Variants in ST6GAL1 observed in about 807,000 individuals in gnomAD.
ST6GAL1 encodes ST6 beta-galactoside alpha-2,6-sialyltransferase 1.
A neutral mutation model predicts 38.0 loss-of-function variants in ST6GAL1; 20 were observed. The ratio of observed to expected loss-of-function variants is 0.53; its 90% confidence interval spans 0.37 to 0.77. The LOEUF is 0.77. ST6GAL1 is among the 30% of genes least tolerant of loss of function. The pLI is 0.00. For synonymous variants in ST6GAL1, 196 were observed against 188.2 expected (o/e 1.04, Z -0.34); for missense variants, 432 against 496.4 (o/e 0.87, Z 1.23).
chr3:187,071,776 C>CAAAAAAAA (rs11330261), intron 5 of ST6GAL1, among the ~76,000 whole-genome samples: 42 of 72,274 alleles, frequency 5.8e-4, no homozygotes, highest in African/African-American at 1.6e-3. Flanking sequence ...GACTCCGCCT[C>CAAAAAAAA]AAAAAAAAAA....
chr3:187,038,377 T>G (rs2108577174), intron 2 of ST6GAL1: 1 of 151,972 alleles, frequency 6.6e-6, no homozygotes, highest in South Asian at 2.1e-4. Flanking sequence ...GGCTAATTTT[T>G]TTTTTGTATT....
At chr3:187,029,000 C>T (rs562923734) in intron 2 of ST6GAL1, among the ~76,000 whole-genome samples, 77 of 147,328 alleles carry the variant, frequency 5.2e-4, no homozygotes, top group South Asian at 8.6e-4. Context: ...GCAGGAGAAT[C>T]GCTTGAACCT....
intron 5 of ST6GAL1, among the ~76,000 whole-genome samples, chr3:187,065,165 A>AT (rs1361172457): frequency 1.3e-5 from 2 of 151,778 alleles, no homozygotes; most frequent in Non-Finnish European, 2.9e-5. Flanking sequence ...TGCCCAGCTA[A>AT]TTTTTTGTAT....
intron 5 of ST6GAL1, among the ~76,000 whole-genome samples, chr3:187,053,791 T>A (rs1001892898): frequency 2.6e-5 from 4 of 152,238 alleles, no homozygotes; most frequent in Non-Finnish European, 5.9e-5. Flanking sequence ...GGCTCTTTTT[T>A]GGTTGCATAT....
chr3:186,997,206 C>T (rs941787596), intron 2 of ST6GAL1, among the ~76,000 whole-genome samples: 11 of 152,150 alleles, frequency 7.2e-5, no homozygotes, highest in African/African-American at 2.7e-4. Context: ...TCCTCCTGAC[C>T]TCTATAGTCC....
In ST6GAL1 at chr3:187,076,026, A is replaced by G. The variant is rs181640095; in HGVS notation, c.*223A>G. ...GAGCCCAGAGCCTCCTGCCACACAC[A>G]TGCACACATATCTAGCATTCTTTCC... On this transcript the variant is annotated 3_prime_UTR_variant, in exon 8 of 8. Coordinates refer to ENST00000169298, the MANE Select transcript of ST6GAL1 (RefSeq NM_173216.2). The G allele has an allele frequency of 6.9e-6, 4 of 581,162 alleles. No individual in the cohort carries two copies. The East Asian group carries it at 9.1e-5, about 13-fold the overall frequency. 36.0% of individuals were successfully genotyped at this position (581,162 alleles called of 1,614,324 possible).
rs111443087 is a variant in ST6GAL1, at chr3:187,024,279, G to A, written c.-182-14463G>A. On this transcript the variant is annotated intron_variant, in intron 2 of 7. Transcript: ENST00000169298. ...TGGCTAATTTTTTGTATTTTTAGTAGAGACGGGGGTTTCACCATGTTAGCC... is the reference window on the plus strand; with the variant it reads ...TGGCTAATTTTTTGTATTTTTAGTAAAGACGGGGGTTTCACCATGTTAGCC... Among the ~76,000 whole-genome samples, 110 of 151,650 alleles carry A rather than the reference G, an allele frequency of 7.3e-4. 1 individual carries two copies. Among genetic ancestry groups the A allele is most frequent in the African/African-American group, 2.4e-3 (98 of 41,344 alleles).
chr3:186,937,368 C>G (rs190331268), intron 1 of ST6GAL1, among the ~76,000 whole-genome samples: 6 of 152,108 alleles, frequency 3.9e-5, no homozygotes, highest in African/African-American at 1.4e-4. Flanking sequence ...CATCACCCGT[C>G]GGTTCTTTAG....
Position 187,042,872 on chromosome 3 carries a change from G to A in ST6GAL1, c.169G>A (p.Gly57Arg), listed in dbSNP as rs755850692. 6.2e-7 allele frequency: 1 copy of A among 1,614,132 alleles called. No individual in the cohort carries two copies. The highest frequency in any genetic ancestry group is 8.5e-7 in the Non-Finnish European group (1 of 1,180,018). ...AAAGAGTCTGGGGAAATTGGCCATGGGGTCTGATTCCCAGTCTGTATCCTC... is the reference window on the plus strand; with the variant it reads ...AAAGAGTCTGGGGAAATTGGCCATGAGGTCTGATTCCCAGTCTGTATCCTC... ...VLKSLGKLAM[G>R]SDSQSVSSSS... Residue 57 changes from glycine (G) to arginine (R), a missense_variant, in exon 4 of 8, where the codon GGG (glycine) becomes AGG (arginine). By Grantham distance (125) the Gly-to-Arg change is moderately radical. Transcript: ENST00000169298.
At chr3:187,072,789 T>G (rs1228295602) in intron 5 of ST6GAL1, 60 bp from the exon 6 acceptor site, 1 of 1,459,474 alleles carries the variant, frequency 6.9e-7, no homozygotes, top group Admixed American at 1.7e-5. Flanking sequence ...CAGCTATTAC[T>G]TCATGTCAAA....
intron 2 of ST6GAL1, among the ~76,000 whole-genome samples, chr3:187,017,770 C>T (rs560483250): frequency 9.8e-5 from 15 of 152,292 alleles, no homozygotes; most frequent in African/African-American, 1.4e-4. Context: ...ACGAAAACCA[C>T]GACGGACATG....
chr3:187,013,110 C>T (rs1717009500), intron 2 of ST6GAL1, among the ~76,000 whole-genome samples: 1 of 152,174 alleles, frequency 6.6e-6, no homozygotes. Context: ...TGGAGGAGAC[C>T]TTTAGCGTCT....
At chr3:186,957,789 G>T (rs534325445) in intron 1 of ST6GAL1, among the ~76,000 whole-genome samples, 1 of 152,258 alleles carries the variant, frequency 6.6e-6, no homozygotes, top group Admixed American at 6.5e-5. Flanking sequence ...AATTCTGAGA[G>T]GCTAGTATTT....
intron 3 of ST6GAL1, among the ~76,000 whole-genome samples, 153 bp from the exon 4 acceptor site, chr3:187,042,501 T>C (rs1718159317): frequency 6.6e-6 from 1 of 151,976 alleles, no homozygotes; most frequent in African/African-American, 2.4e-5. Context: ...TGTCGAGAAT[T>C]GCTTAACAGG....
intron 2 of ST6GAL1, among the ~76,000 whole-genome samples, chr3:186,981,098 AG>A (rs1715684413): frequency 6.6e-6 from 1 of 152,250 alleles, no homozygotes; most frequent in Non-Finnish European, 1.5e-5. Flanking sequence ...AGGTGTTAAA[AG>A]AAAAACTTTA....
intron 5 of ST6GAL1, among the ~76,000 whole-genome samples, chr3:187,070,743 G>A (rs114287884): frequency 0.01 from 1,557 of 152,008 alleles, 30 homozygotes; most frequent in African/African-American, 0.036. Flanking sequence ...TCACTTTATG[G>A]CCATCCTCAT....
intron 3 of ST6GAL1, among the ~76,000 whole-genome samples, chr3:187,041,087 T>G (rs1276868767): frequency 6.6e-6 from 1 of 152,160 alleles, no homozygotes; most frequent in Non-Finnish European, 1.5e-5. Context: ...CTGTCTCTGT[T>G]CAGAATACCT....
chr3:187,056,871 C>G (rs1034047435), intron 5 of ST6GAL1, among the ~76,000 whole-genome samples: 1 of 152,178 alleles, frequency 6.6e-6, no homozygotes, highest in African/African-American at 2.4e-5. Flanking sequence ...TGGGGAAGTT[C>G]TCCTGGGTAA....
At chr3:186,969,334 T>C (rs1715263202) in intron 2 of ST6GAL1, among the ~76,000 whole-genome samples, 1 of 152,236 alleles carries the variant, frequency 6.6e-6, no homozygotes, top group African/African-American at 2.4e-5. Context: ...ATTACAGGCG[T>C]GAGCCACAGC....
Sources: gnomAD v4.1 joint callset for allele counts (sites outside exome capture counted in the v4.1 genomes callset) on GRCh38, gnomAD v4.1.1 for gene constraint, MANE v1.5 for transcripts, NCBI Gene and HGNC (gene_info 2026-07-23, HGNC 2026-07-21) for gene names.